The following ADAMTS19 variants were observed in gnomAD, a reference collection of about 807,000 sequenced individuals.
ADAMTS19 encodes the protein ADAM metallopeptidase with thrombospondin type 1 motif 19, also known as A disintegrin and metalloproteinase with thrombospondin motifs 19.
Under a neutral mutation model 153.3 loss-of-function variants are expected in ADAMTS19, and 93 were observed. That is an observed-to-expected ratio of 0.61 (90% CI 0.51 to 0.72). The LOEUF is 0.72. Among genes scored for constraint, ADAMTS19 ranks in the 30% least tolerant of loss-of-function variants. ADAMTS19 has a pLI of 0.00. For missense variants in ADAMTS19, 1,482 were observed against 1,552.1 expected, an observed-to-expected ratio of 0.95 and a Z score of 0.76; for synonymous variants, 600 against 556.6, an observed-to-expected ratio of 1.08 and a Z score of -1.10.
Position 129,658,365 on chromosome 5 carries a change from GAAA to G in ADAMTS19, c.2305-251_2305-249del, listed in dbSNP as rs1753676106. On this transcript the variant is annotated intron_variant, in intron 14 of 22. Transcript: ENST00000274487. ...AGAAAGAAAGAAAGAAAGAAAGAAA[GAAA>G]GAGAGAGAGGAAGGAAGGAAGGTAG... Among the ~76,000 whole-genome samples, 7 of 150,302 alleles carry G rather than the reference GAAA, an allele frequency of 4.7e-5. 1 individual carries two copies. Among genetic ancestry groups the G allele is most frequent in the Admixed American group, 3.3e-4 (5 of 15,118 alleles).
intron 2 of ADAMTS19, among the ~76,000 whole-genome samples, chr5:129,463,680 G>A (rs1183331696): frequency 6.6e-6 from 1 of 152,088 alleles, no homozygotes; most frequent in Non-Finnish European, 1.5e-5. Flanking sequence ...AGAGTGAGCT[G>A]TTATCTGTAC....
At chr5:129,556,120 A>G (rs1581080606) in intron 7 of ADAMTS19, among the ~76,000 whole-genome samples, 1 of 152,164 alleles carries the variant, frequency 6.6e-6, no homozygotes, top group African/African-American at 2.4e-5. Context: ...CACCTTCTCA[A>G]TTACACACTT....
In ADAMTS19 at chr5:129,694,894, C is replaced by T. The variant is rs200692621; in HGVS notation, c.2954+39C>T. On this transcript the variant is annotated intron_variant, in intron 19 of 22. Coordinates refer to ENST00000274487, the MANE Select transcript of ADAMTS19 (RefSeq NM_133638.6). ...AAGGGCCCTTAAAGCATTATTTGTCCATTAGATTGCTGTCCTTTAAAACAT... is the reference window on the plus strand; with the variant it reads ...AAGGGCCCTTAAAGCATTATTTGTCTATTAGATTGCTGTCCTTTAAAACAT... 2.7e-6 allele frequency: 4 copies of T among 1,455,824 alleles called. No individual in the cohort carries two copies. The Admixed American group carries it at 8.9e-5, about 32-fold the overall frequency. The allele number at this position is 1,455,824 out of a possible 1,614,324, so 90.2% of individuals were successfully genotyped here. A position where few individuals can be genotyped will look rare whatever the true frequency, so the allele number is the denominator to read the frequency against.
At position 129,460,431 on chromosome 5, in the gene ADAMTS19, T is replaced by C. The variant is rs1340344650; in HGVS notation, c.40T>C (p.Cys14Arg). The stretch of plus-strand genomic sequence containing the variant: ...CGAGATGCGCCTGACTCACATCTGC[T>C]GCTGCTGCCTCCTTTACCAGCTGGG... Reference protein sequence around the residue: ...NREMRLTHICCCCLLYQLGFL... With the variant: ...NREMRLTHICRCCLLYQLGFL... Residue 14 changes from cysteine (C) to arginine (R), a missense_variant, in exon 1 of 23, where the codon TGC becomes CGC. Around this residue, in one of 2 missense-constraint regions of ADAMTS19, gnomAD observed 866 missense variants for 827.7 expected, o/e 1.05. Transcript: ENST00000274487. The C allele has an allele frequency of 6.2e-7, 1 of 1,614,134 alleles. No homozygotes were observed. Among genetic ancestry groups the C allele is most frequent in the South Asian group, 1.1e-5 (1 of 91,078 alleles).
chr5:129,727,844 G>A (rs1026046312), intron 21 of ADAMTS19, among the ~76,000 whole-genome samples: 1 of 152,130 alleles, frequency 6.6e-6, no homozygotes, highest in Admixed American at 6.6e-5. Context: ...TACTGTCAGA[G>A]GCTTTGGAAC....
chr5:129,604,641 C>T (rs1750807289), intron 8 of ADAMTS19, among the ~76,000 whole-genome samples: 1 of 152,106 alleles, frequency 6.6e-6, no homozygotes, highest in African/African-American at 2.4e-5. Context: ...AATGACTGAA[C>T]ATAGTAATCT....
At chr5:129,721,449 A>G (rs1475442946) in intron 21 of ADAMTS19, among the ~76,000 whole-genome samples, 6 of 152,186 alleles carry the variant, frequency 3.9e-5, no homozygotes, top group Non-Finnish European at 8.8e-5. Flanking sequence ...CAGGCCACAG[A>G]TTTTCAACAG....
At chr5:129,529,977 A>G (rs1323188821) in intron 6 of ADAMTS19, among the ~76,000 whole-genome samples, 1 of 152,156 alleles carries the variant, frequency 6.6e-6, no homozygotes, top group Non-Finnish European at 1.5e-5. Flanking sequence ...AATACCACCA[A>G]TTTACAGAGG....
At chr5:129,483,000 A>T (rs930525899) in intron 2 of ADAMTS19, among the ~76,000 whole-genome samples, 1 of 152,206 alleles carries the variant, frequency 6.6e-6, no homozygotes, top group African/African-American at 2.4e-5. Context: ...TACATATTAT[A>T]TGTGTTCCAT....
intron 15 of ADAMTS19, among the ~76,000 whole-genome samples, chr5:129,659,827 G>T (rs1753747052): frequency 6.6e-6 from 1 of 151,984 alleles, no homozygotes; most frequent in African/African-American, 2.4e-5. Context: ...GGCTCAAGCA[G>T]TCCTCCCATC....
chr5:129,538,693 A>G (rs1752548495), intron 6 of ADAMTS19, among the ~76,000 whole-genome samples: 1 of 152,122 alleles, frequency 6.6e-6, no homozygotes. Flanking sequence ...AATGTTATCT[A>G]TGTTGTTGAA....
intron 10 of ADAMTS19, among the ~76,000 whole-genome samples, chr5:129,641,028 C>T (rs1752765005): frequency 6.6e-6 from 1 of 152,014 alleles, no homozygotes; most frequent in Non-Finnish European, 1.5e-5. Flanking sequence ...TTATGGATTT[C>T]ATATTTCTGT....
At chr5:129,490,958 G>A (rs1424275933) in intron 2 of ADAMTS19, among the ~76,000 whole-genome samples, 1 of 151,916 alleles carries the variant, frequency 6.6e-6, no homozygotes, top group African/African-American at 2.4e-5. Context: ...CCAAGCTGAT[G>A]AATAAACATA....
intron 15 of ADAMTS19, among the ~76,000 whole-genome samples, chr5:129,662,065 A>G (rs1163048431): frequency 6.6e-6 from 1 of 152,214 alleles, no homozygotes; most frequent in African/African-American, 2.4e-5. Flanking sequence ...ATACTAAATT[A>G]GAAGTGTAAT....
At chr5:129,543,854 C>T (rs575639254) in intron 6 of ADAMTS19, among the ~76,000 whole-genome samples, 1 of 152,250 alleles carries the variant, frequency 6.6e-6, no homozygotes, top group South Asian at 2.1e-4. Context: ...ACCTATCATA[C>T]TTGGATTATT....
intron 15 of ADAMTS19, among the ~76,000 whole-genome samples, chr5:129,659,405 C>T (rs1201897864): frequency 6.6e-6 from 1 of 151,912 alleles, no homozygotes; most frequent in East Asian, 1.9e-4. Flanking sequence ...TATAATGATC[C>T]CAAAATGTGC....
chr5:129,599,904 A>C (rs1750566245), intron 8 of ADAMTS19, among the ~76,000 whole-genome samples: 1 of 152,168 alleles, frequency 6.6e-6, no homozygotes, highest in Non-Finnish European at 1.5e-5. Flanking sequence ...TTTACTAAAA[A>C]TTCCCCATAG....
intron 2 of ADAMTS19, among the ~76,000 whole-genome samples, chr5:129,468,304 G>T (rs934136313): frequency 6.6e-6 from 1 of 152,060 alleles, no homozygotes. Flanking sequence ...CAGTATGGAC[G>T]TTATTATTAA....
At chr5:129,601,219 T>C (rs1750635134) in intron 8 of ADAMTS19, among the ~76,000 whole-genome samples, 1 of 152,174 alleles carries the variant, frequency 6.6e-6, no homozygotes, top group Admixed American at 6.5e-5. Context: ...AAGAAATATT[T>C]TTACTGGTAG....
Sources: allele counts gnomAD v4.1 joint callset (sites outside exome capture counted in the v4.1 genomes callset), GRCh38; gene constraint gnomAD v4.1.1; regional missense constraint gnomAD v4.1.1; transcripts MANE v1.5; gene names NCBI Gene and HGNC (gene_info 2026-07-23, HGNC 2026-07-21).